The following MARCHF1 variants were observed in gnomAD, a reference collection of about 807,000 sequenced individuals.
MARCHF1 encodes the protein membrane associated ring-CH-type finger 1.
In MARCHF1, 40 loss-of-function variants were observed where a neutral mutation model predicts 54.2. That is an observed-to-expected ratio of 0.74 (90% CI 0.57 to 0.96). The LOEUF (loss-of-function observed/expected upper bound fraction) is 0.96. MARCHF1 is among the 40% of genes least tolerant of loss of function. The pLI is 0.00. For synonymous variants in MARCHF1, 236 were observed against 236.3 expected (o/e 1.00, Z 0.01); for missense variants, 586 against 656.5 (o/e 0.89, Z 1.17).
At chr4:163,695,289 A>G (rs780236489) in intron 5 of MARCHF1, among the ~76,000 whole-genome samples, 8 of 152,324 alleles carry the variant, frequency 5.3e-5, no homozygotes, top group Non-Finnish European at 8.8e-5. Context: ...GATTTACAGA[A>G]GTAAAATTAA....
intron 5 of MARCHF1, among the ~76,000 whole-genome samples, chr4:163,684,936 C>T (rs75957922): frequency 0.03 from 4,580 of 152,264 alleles, 83 homozygotes; most frequent in East Asian, 0.078. Context: ...CTTGTTTCCA[C>T]GATGCCTGTC....
intron 1 of MARCHF1, among the ~76,000 whole-genome samples, chr4:164,254,602 G>A (rs1479968084): frequency 6.6e-6 from 1 of 151,986 alleles, no homozygotes; most frequent in Non-Finnish European, 1.5e-5. Context: ...GTATTAAGTT[G>A]TATGATTACA....
intron 2 of MARCHF1, among the ~76,000 whole-genome samples, chr4:164,016,525 C>A (rs1035371308): frequency 6.6e-6 from 1 of 152,060 alleles, no homozygotes; most frequent in Non-Finnish European, 1.5e-5. Context: ...ATGGATGGAA[C>A]TGGAGGGCAT....
chr4:163,547,734 G>C (rs866819680), intron 8 of MARCHF1, among the ~76,000 whole-genome samples: 1 of 152,212 alleles, frequency 6.6e-6, no homozygotes, highest in Admixed American at 6.5e-5. Context: ...ATTTGCAAGA[G>C]AGCATGATAC....
chr4:164,265,444 C>CTACTT (rs1287591030), intron 1 of MARCHF1, among the ~76,000 whole-genome samples: 4 of 148,500 alleles, frequency 2.7e-5, no homozygotes, highest in Admixed American at 1.4e-4. Context: ...TAGCTAAGGG[C>CTACTT]TGTACCTGGC....
chr4:163,555,151 G>A (rs115659983), intron 8 of MARCHF1, among the ~76,000 whole-genome samples: 1,907 of 152,344 alleles, frequency 0.013, 34 homozygotes, highest in African/African-American at 0.043. Context: ...GATATAATAT[G>A]TGGGATTTAG....
chr4:164,356,641 AT>A (rs1200837288), intron 1 of MARCHF1, among the ~76,000 whole-genome samples: 1 of 143,904 alleles, frequency 6.9e-6, no homozygotes, highest in East Asian at 2.0e-4. Context: ...GAGGGTTAGC[AT>A]TGGGAGATAT....
chr4:164,332,446 T>C (rs1055595903), intron 1 of MARCHF1, among the ~76,000 whole-genome samples: 15 of 152,222 alleles, frequency 9.9e-5, no homozygotes, highest in Non-Finnish European at 2.1e-4. Context: ...GAATAGAATA[T>C]TGTATTGCTG....
chr4:164,322,839 C>G (rs1391994447), intron 1 of MARCHF1, among the ~76,000 whole-genome samples: 1 of 151,890 alleles, frequency 6.6e-6, no homozygotes, highest in Non-Finnish European at 1.5e-5. Context: ...TTTACCTACA[C>G]AGGTAAAGTA....
chr4:163,958,745 T>C (rs747345423), intron 3 of MARCHF1, among the ~76,000 whole-genome samples: 1 of 151,996 alleles, frequency 6.6e-6, no homozygotes, highest in African/African-American at 2.4e-5. Flanking sequence ...GGTAAAATTA[T>C]TGTAAAAGAA....
At chr4:163,627,207 T>A (rs1741902747) in intron 5 of MARCHF1, among the ~76,000 whole-genome samples, 2 of 152,146 alleles carry the variant, frequency 1.3e-5, no homozygotes. Context: ...GACAGGAAAT[T>A]CACTATCATC....
At chr4:163,608,829 G>A (rs1000458289) in intron 7 of MARCHF1, among the ~76,000 whole-genome samples, 5 of 151,980 alleles carry the variant, frequency 3.3e-5, no homozygotes, top group Non-Finnish European at 7.4e-5. Context: ...GTCTGAGAGG[G>A]CAAGTTCACA....
At chr4:163,651,832 T>G (rs1266929967) in intron 5 of MARCHF1, among the ~76,000 whole-genome samples, 1 of 151,586 alleles carries the variant, frequency 6.6e-6, no homozygotes, top group Non-Finnish European at 1.5e-5. Context: ...AAGGCATTAT[T>G]TTTGGACCAT....
chr4:164,254,153 G>A lies in MARCHF1; in HGVS notation c.-323+129717C>T, dbSNP rs1478320613. Among the ~76,000 whole-genome samples the A allele has an allele frequency of 2.6e-5, 4 of 152,004 alleles. No homozygotes were observed. In the East Asian group the frequency reaches 5.8e-4, roughly 22 times the overall value. On this transcript the variant is annotated intron_variant, in intron 1 of 9. Coordinates refer to ENST00000514618, the MANE Select transcript of MARCHF1 (RefSeq NM_001394959.1). Reference sequence around the variant, plus strand: ...GTCTCATTCTGTTGCCCAGGCTAGAGTGCAGTGGCGTGATCTCGGCTCTGA... The same window carrying A: ...GTCTCATTCTGTTGCCCAGGCTAGAATGCAGTGGCGTGATCTCGGCTCTGA...
intron 3 of MARCHF1, among the ~76,000 whole-genome samples, chr4:163,983,516 A>G (rs1190176864): frequency 1.3e-5 from 2 of 152,188 alleles, no homozygotes; most frequent in East Asian, 3.8e-4. Flanking sequence ...CACTGTAACA[A>G]AAAGAAAACA....
chr4:163,622,409 A>G (rs1741722510), intron 5 of MARCHF1, among the ~76,000 whole-genome samples: 1 of 152,070 alleles, frequency 6.6e-6, no homozygotes, highest in South Asian at 2.1e-4. Flanking sequence ...ACTGAATGTG[A>G]TTAGCTTCTA....
intron 1 of MARCHF1, among the ~76,000 whole-genome samples, chr4:164,376,168 T>C (rs1250326863): frequency 3.3e-5 from 5 of 152,094 alleles, no homozygotes; most frequent in Admixed American, 3.3e-4. Flanking sequence ...TAACTACATA[T>C]TAAAGTATAG....
intron 3 of MARCHF1, among the ~76,000 whole-genome samples, chr4:163,893,031 A>C (rs1750695059): frequency 6.6e-6 from 1 of 152,056 alleles, no homozygotes; most frequent in South Asian, 2.1e-4. Flanking sequence ...TTTATAAAGC[A>C]CAATAAGTCA....
intron 7 of MARCHF1, among the ~76,000 whole-genome samples, chr4:163,596,065 C>T (rs890896246): frequency 2.6e-5 from 4 of 151,356 alleles, no homozygotes; most frequent in Admixed American, 6.6e-5. Flanking sequence ...AGAACAAAAG[C>T]TAGTGTCATA....
Sources: allele counts gnomAD v4.1 joint callset (sites outside exome capture counted in the v4.1 genomes callset), GRCh38; gene constraint gnomAD v4.1.1; transcripts MANE v1.5; gene names NCBI Gene and HGNC (gene_info 2026-07-23, HGNC 2026-07-21).